The following GARNL3 variants were observed in gnomAD, a reference collection of about 807,000 sequenced individuals.
The protein encoded by GARNL3 is GTPase activating Rap/RanGAP domain like 3, also known as GTPase-activating Rap/Ran-GAP domain-like protein 3.
GARNL3 carries 63 observed loss-of-function variants against 125.0 expected under a neutral mutation model. The ratio of observed to expected loss-of-function variants is 0.50; its 90% CI spans 0.41 to 0.62. The LOEUF is 0.62. GARNL3 is among the 20% of genes least tolerant of loss of function. The pLI, the probability that GARNL3 is intolerant of heterozygous loss-of-function variation, is 0.00. For synonymous variants in GARNL3, 439 were observed against 457.5 expected, an observed-to-expected ratio of 0.96 and a Z score of 0.52; for missense variants, 994 against 1,244.0, an observed-to-expected ratio of 0.80 and a Z score of 3.02.
chr9:127,387,343 GT>G lies in GARNL3; in HGVS notation c.2527+16del. 6.2e-7 allele frequency: 1 copy of G among 1,602,496 alleles called. No homozygotes were observed. Among genetic ancestry groups the G allele is most frequent in the East Asian group, 2.2e-5 (1 of 44,756 alleles). ...TTCCCTGGGGGAAGGTGAAGTCCAAGTTTTACTGTTTTATTAATATTTGTAA... is the reference window on the plus strand; with the variant it reads ...TTCCCTGGGGGAAGGTGAAGTCCAAGTTTACTGTTTTATTAATATTTGTAA... On this transcript the variant is annotated intron_variant, in intron 25 of 27. Transcript: ENST00000373387.
At chr9:127,224,661 G>A (rs1275151886) in intron 1 of GARNL3, 1 of 152,956 alleles carries the variant, frequency 6.5e-6, no homozygotes, top group Non-Finnish European at 1.5e-5. Flanking sequence ...CGAACTCCAA[G>A]GGACGACGCT....
chr9:127,256,536 T>A (rs537369847), intron 2 of GARNL3, among the ~76,000 whole-genome samples: 10 of 152,360 alleles, frequency 6.6e-5, no homozygotes, highest in African/African-American at 2.4e-4. Context: ...CCCACTGCAC[T>A]GTAAGCTGTA....
chr9:127,339,859 A>G (rs1354369470), intron 13 of GARNL3, 108 bp downstream of exon 13: 10 of 774,922 alleles, frequency 1.3e-5, no homozygotes, highest in Non-Finnish European at 4.6e-6. Flanking sequence ...TAAGCATTCC[A>G]TGTTCCGTTA....
chr9:127,261,953 C>T (rs1292433267), upstream of GARNL3, among the ~76,000 whole-genome samples: 1 of 152,200 alleles, frequency 6.6e-6, no homozygotes, highest in Non-Finnish European at 1.5e-5. Context: ...GGAGACAGTG[C>T]TCAACTTCAC....
chr9:127,318,131 A>C lies in GARNL3; in HGVS notation c.503+4A>C. On this transcript the variant is annotated splice_donor_region_variant and intron_variant, in intron 5 of 27. Transcript: ENST00000373387. ...TTTCTGTGAAGTCCATCTTAAGGTG[A>C]GTTCTAATGGGTAGAAACCCCACAC... The C allele has an allele frequency of 6.4e-7, 1 of 1,569,264 alleles. No individual in the cohort carries two copies. Among genetic ancestry groups the C allele is most frequent in the Middle Eastern group, 1.7e-4 (1 of 5,990 alleles).
intron 22 of GARNL3, among the ~76,000 whole-genome samples, chr9:127,380,155 C>T (rs932861022): frequency 7.3e-5 from 11 of 151,722 alleles, no homozygotes; most frequent in African/African-American, 1.7e-4. Flanking sequence ...ATCGCGCCAC[C>T]GCACTCCAGC....
chr9:127,295,612 T>G (rs1345182081), intron 2 of GARNL3, among the ~76,000 whole-genome samples: 1 of 152,200 alleles, frequency 6.6e-6, no homozygotes, highest in Non-Finnish European at 1.5e-5. Context: ...GTCCCCAGAT[T>G]ACCTACATTC....
At position 127,298,199 on chromosome 9, in the gene GARNL3, C is replaced by A. The variant is rs12337580; in HGVS notation, c.219+6957C>A. Among the ~76,000 whole-genome samples the A allele has an allele frequency of 6.5e-4, 99 of 152,194 alleles. 1 individual carries two copies. Among genetic ancestry groups the A allele is most frequent in the African/African-American group, 2.2e-3 (90 of 41,510 alleles). On this transcript the variant is annotated intron_variant, in intron 2 of 27. Coordinates refer to ENST00000373387, the MANE Select transcript of GARNL3 (RefSeq NM_032293.5). Reference sequence around the variant, plus strand: ...TTGGTTTTTTGGGGTTTTTTTGAGACGAAGTCTTGGCTCTTATTGCCCAGG... The same window carrying A: ...TTGGTTTTTTGGGGTTTTTTTGAGAAGAAGTCTTGGCTCTTATTGCCCAGG...
chr9:127,265,264 T>C lies in GARNL3; in HGVS notation c.144+243T>C, dbSNP rs886762018. 2.0e-5 allele frequency among the ~76,000 whole-genome samples: 3 copies of C among 152,338 alleles called. No individual in the cohort carries two copies. In the South Asian group the frequency reaches 6.2e-4, roughly 32 times the overall value. On this transcript the variant is annotated intron_variant, in intron 1 of 27. Transcript: ENST00000373387. ...TTGTTAAAAATATGTTACGGCTTGGTATTTTTCTCTGTGTATATAATTAAA... is the reference window on the plus strand; with the variant it reads ...TTGTTAAAAATATGTTACGGCTTGGCATTTTTCTCTGTGTATATAATTAAA...
At chr9:127,316,546 C>T (rs1326565754) in intron 4 of GARNL3, among the ~76,000 whole-genome samples, 1 of 152,112 alleles carries the variant, frequency 6.6e-6, no homozygotes, top group Non-Finnish European at 1.5e-5. Flanking sequence ...ACTCGGGTTT[C>T]AATGGGAAGG....
intron 22 of GARNL3, among the ~76,000 whole-genome samples, chr9:127,382,318 T>C (rs1261228426): frequency 6.6e-6 from 1 of 151,682 alleles, no homozygotes; most frequent in East Asian, 1.9e-4. Context: ...AAAATAATAA[T>C]AATAATAACT....
chr9:127,365,834 G>A (rs748427081), intron 22 of GARNL3, among the ~76,000 whole-genome samples: 21 of 152,252 alleles, frequency 1.4e-4, no homozygotes, highest in Admixed American at 5.2e-4. Flanking sequence ...CTTGACTCCA[G>A]CACCCACAAT....
intron 14 of GARNL3, among the ~76,000 whole-genome samples, chr9:127,342,856 A>G (rs1164122530): frequency 1.4e-5 from 2 of 147,500 alleles, no homozygotes; most frequent in African/African-American, 5.0e-5. Context: ...GAGACCCAAC[A>G]CCTTTCTATC....
chr9:127,314,391 A>G (rs2065177455), intron 4 of GARNL3, among the ~76,000 whole-genome samples: 2 of 152,200 alleles, frequency 1.3e-5, no homozygotes, highest in African/African-American at 4.8e-5. Context: ...TCTGGTTCAA[A>G]TGCTCTGAGG....
chr9:127,235,665 A>T (rs1164594874), intron 1 of GARNL3, among the ~76,000 whole-genome samples: 2 of 152,126 alleles, frequency 1.3e-5, no homozygotes, highest in African/African-American at 4.8e-5. Context: ...TTTTAAAAAA[A>T]CAAAGAGGGA....
chr9:127,283,957 C>G (rs184976685), intron 1 of GARNL3, among the ~76,000 whole-genome samples: 1 of 152,194 alleles, frequency 6.6e-6, no homozygotes, highest in East Asian at 1.9e-4. Flanking sequence ...AGTGATGTTA[C>G]ACATACATGT....
intron 2 of GARNL3, among the ~76,000 whole-genome samples, chr9:127,307,042 T>G (rs1050577492): frequency 1.6e-4 from 24 of 150,896 alleles, no homozygotes; most frequent in Admixed American, 1.5e-3. Context: ...TATCTTTGAT[T>G]TTTTTTTTGT....
At chr9:127,338,641 C>T (rs750197967) in intron 12 of GARNL3, among the ~76,000 whole-genome samples, 1 of 152,170 alleles carries the variant, frequency 6.6e-6, no homozygotes, top group South Asian at 2.1e-4. Context: ...AATGACACTA[C>T]CCCGGCAGGT....
intron 6 of GARNL3, among the ~76,000 whole-genome samples, chr9:127,324,248 C>G (rs541011119): frequency 6.6e-6 from 1 of 152,110 alleles, no homozygotes; most frequent in East Asian, 1.9e-4. Context: ...CAGACCCTGT[C>G]TCTTTAAAAA....
Sources: gnomAD v4.1 joint callset for allele counts (sites outside exome capture counted in the v4.1 genomes callset) on GRCh38, gnomAD v4.1.1 for gene constraint, MANE v1.5 for transcripts, NCBI Gene and HGNC (gene_info 2026-07-23, HGNC 2026-07-21) for gene names.